PCCA: variants seen among roughly 807,000 people sequenced by gnomAD.
The protein encoded by PCCA is propionyl-CoA carboxylase subunit alpha.
Under a neutral mutation model 101.3 loss-of-function variants are expected in PCCA, and 74 were observed. That is an observed-to-expected ratio of 0.73 (90% CI 0.61 to 0.89). The LOEUF (loss-of-function observed/expected upper bound fraction) is 0.89, where lower values mean the gene tolerates loss of function less well. Ranked by LOEUF, PCCA falls within the 40% of genes least tolerant of loss-of-function variation. PCCA has a pLI of 0.00. For missense variants in PCCA, 891 were observed against 907.0 expected (o/e 0.98, Z 0.23); for synonymous variants, 294 against 313.6 (o/e 0.94, Z 0.66).
At chr13:100,360,696 T>C (rs1421180112) in intron 18 of PCCA, among the ~76,000 whole-genome samples, 3 of 152,144 alleles carry the variant, frequency 2.0e-5, no homozygotes, top group African/African-American at 7.2e-5. Context: ...CGACAGGAGC[T>C]CTCATGCATT....
intron 20 of PCCA, among the ~76,000 whole-genome samples, chr13:100,443,478 T>C (rs2080534160): frequency 6.6e-6 from 1 of 151,916 alleles, no homozygotes; most frequent in Non-Finnish European, 1.5e-5. Context: ...TAATGTTTCA[T>C]GACCCATGAG....
chr13:100,198,468 GTTCAT>G (rs978066885), intron 6 of PCCA: 74 of 149,256 alleles, frequency 5.0e-4, no homozygotes, highest in African/African-American at 1.7e-3. Context: ...CAGTTGCCAC[GTTCAT>G]TCATTCATTC....
At chr13:100,257,013 T>G (rs1284871124) in intron 8 of PCCA, among the ~76,000 whole-genome samples, 1 of 152,172 alleles carries the variant, frequency 6.6e-6, no homozygotes, top group African/African-American at 2.4e-5. Context: ...TACGGAACAG[T>G]GGAATAGCTT....
intron 14 of PCCA, among the ~76,000 whole-genome samples, chr13:100,303,616 C>CATAT (rs58706151): frequency 0.022 from 3,240 of 147,230 alleles, 131 homozygotes; most frequent in African/African-American, 0.077. Context: ...GTAATAAGTG[C>CATAT]ATATATATAT....
At position 100,089,125 on chromosome 13, in the gene PCCA, C is replaced by G; in HGVS notation, c.5C>G (p.Ala2Gly). Reference sequence around the variant, plus strand: ...GGGCGGTCTGCGGGGACAACAATGGCGGGGTTCTGGGTCGGGACAGCACCG... The same window carrying G: ...GGGCGGTCTGCGGGGACAACAATGGGGGGGTTCTGGGTCGGGACAGCACCG... M[A>G]GFWVGTAPLV... is the part of the protein sequence containing the mutation. Residue 2 changes from alanine (A) to glycine (G), a missense_variant, in exon 1 of 24, where the codon GCG becomes GGG. By Grantham distance (60) the Ala-to-Gly change is moderately conservative. Coordinates refer to ENST00000376285, the MANE Select transcript of PCCA (RefSeq NM_000282.4). 1 of 1,500,898 alleles carries G rather than the reference C, an allele frequency of 6.7e-7. No homozygotes were observed. Among genetic ancestry groups the G allele is most frequent in the Non-Finnish European group, 8.9e-7 (1 of 1,121,596 alleles). 93.0% of individuals were successfully genotyped at this position (1,500,898 alleles called of 1,614,324 possible).
intron 1 of PCCA, among the ~76,000 whole-genome samples, chr13:100,099,242 T>C (rs2152236168): frequency 6.6e-6 from 1 of 152,270 alleles, no homozygotes; most frequent in East Asian, 1.9e-4. Context: ...TTTAAGATAT[T>C]TGCCAGTGGA....
At chr13:100,514,472 T>C (rs1386012506) in intron 21 of PCCA, among the ~76,000 whole-genome samples, 1 of 152,234 alleles carries the variant, frequency 6.6e-6, no homozygotes, top group African/African-American at 2.4e-5. Context: ...GCTTCTTTCT[T>C]ACCCAAGAGA....
chr13:100,165,967 T>C (rs888452571), intron 6 of PCCA, among the ~76,000 whole-genome samples: 3 of 152,224 alleles, frequency 2.0e-5, no homozygotes, highest in African/African-American at 7.2e-5. Flanking sequence ...GAAAGCCTTA[T>C]TGAAATATAA....
intron 4 of PCCA, chr13:100,149,061 A>G (rs1316566875): frequency 6.6e-6 from 1 of 151,808 alleles, no homozygotes. Context: ...CCAGAATGTT[A>G]GTTTTTTAAA....
At chr13:100,131,270 C>T (rs957851532) in intron 4 of PCCA, among the ~76,000 whole-genome samples, 2 of 152,116 alleles carry the variant, frequency 1.3e-5, no homozygotes, top group Admixed American at 6.6e-5. Context: ...GATGTTCCTT[C>T]GAAAGGCTGG....
intron 16 of PCCA, among the ~76,000 whole-genome samples, chr13:100,319,856 T>C (rs929765095): frequency 1.3e-5 from 2 of 152,236 alleles, no homozygotes; most frequent in African/African-American, 4.8e-5. Context: ...AAAGATCCAA[T>C]TCTGTGAAGA....
chr13:100,091,416 T>C (rs1301632672), intron 1 of PCCA, among the ~76,000 whole-genome samples: 1 of 152,222 alleles, frequency 6.6e-6, no homozygotes, highest in African/African-American at 2.4e-5. Context: ...CAATAGGTGC[T>C]GAATGTGTAA....
intron 21 of PCCA, chr13:100,491,890 G>A (rs183266587): frequency 3.8e-4 from 182 of 481,704 alleles, no homozygotes; most frequent in Admixed American, 3.0e-3. Flanking sequence ...AGTGGCTTCT[G>A]GGCCTCCCTG....
chr13:100,224,333 G>A (rs542971818), intron 7 of PCCA, among the ~76,000 whole-genome samples: 3 of 152,238 alleles, frequency 2.0e-5, no homozygotes, highest in African/African-American at 7.2e-5. Context: ...AGGGCCAGCC[G>A]GCTGCTCCGA....
intron 17 of PCCA, 58 bp downstream of exon 17, chr13:100,330,729 T>A: frequency 1.0e-6 from 1 of 986,884 alleles, no homozygotes; most frequent in South Asian, 1.3e-5. Context: ...TACTTTATTG[T>A]AATACATAAT....
chr13:100,327,393 A>G (rs2068815500), intron 16 of PCCA, among the ~76,000 whole-genome samples: 1 of 152,048 alleles, frequency 6.6e-6, no homozygotes, highest in Non-Finnish European at 1.5e-5. Flanking sequence ...TTGTTATTTA[A>G]TGTGTTATTG....
intron 18 of PCCA, among the ~76,000 whole-genome samples, chr13:100,341,143 G>T (rs2071248446): frequency 1.3e-5 from 2 of 152,110 alleles, no homozygotes; most frequent in African/African-American, 4.8e-5. Flanking sequence ...AGCTTACAGT[G>T]TATCTTTTTA....
intron 19 of PCCA, among the ~76,000 whole-genome samples, chr13:100,424,097 TTTTTCCCCCCATCTTTATTC>T (rs1457399850): frequency 6.6e-6 from 1 of 152,046 alleles, no homozygotes; most frequent in Non-Finnish European, 1.5e-5. Context: ...GGTACTGCCT[TTTTTCCCCCCATCTTTATTC>T]CCTAAACAAT....
intron 18 of PCCA, among the ~76,000 whole-genome samples, chr13:100,347,032 C>T (rs940684337): frequency 2.0e-5 from 3 of 152,112 alleles, no homozygotes; most frequent in African/African-American, 7.2e-5. Context: ...TGCCACCACA[C>T]CCCACTAATT....
Sources: gnomAD v4.1 joint callset for allele counts (sites outside exome capture counted in the v4.1 genomes callset) on GRCh38, gnomAD v4.1.1 for gene constraint, MANE v1.5 for transcripts, NCBI Gene and HGNC (gene_info 2026-07-23, HGNC 2026-07-21) for gene names.